The following NPAS3 variants were observed in gnomAD, a reference collection of about 807,000 sequenced individuals.
NPAS3 encodes neuronal PAS domain-containing protein 3.
In NPAS3, 14 loss-of-function variants were observed where a neutral mutation model predicts 73.1. The ratio of observed to expected loss-of-function variants is 0.19; its 90% CI spans 0.13 to 0.30. The LOEUF (loss-of-function observed/expected upper bound fraction) is 0.30. NPAS3 is among the 10% of genes least tolerant of loss of function. NPAS3 has a pLI of 1.00. For missense variants in NPAS3, 1,096 were observed against 1,250.0 expected (o/e 0.88, Z 1.86); for synonymous variants, 620 against 541.5 (o/e 1.14, Z -2.01).
At chr14:33,200,045 A>G (rs1243537680) in intron 2 of NPAS3, among the ~76,000 whole-genome samples, 1 of 152,010 alleles carries the variant, frequency 6.6e-6, no homozygotes, top group Non-Finnish European at 1.5e-5. Flanking sequence ...TTAAAGGGCT[A>G]TTTTAATTTT....
intron 4 of NPAS3, among the ~76,000 whole-genome samples, chr14:33,537,865 G>A (rs1186681245): frequency 6.6e-6 from 1 of 152,122 alleles, no homozygotes. Context: ...GGGGCTTAAG[G>A]GCCTTATGGA....
chr14:33,369,578 A>G (rs574620692), intron 4 of NPAS3, among the ~76,000 whole-genome samples: 1 of 151,972 alleles, frequency 6.6e-6, no homozygotes, highest in Admixed American at 6.6e-5. Context: ...TTTCAGGAGA[A>G]ATATAGATGG....
intron 3 of NPAS3, among the ~76,000 whole-genome samples, chr14:33,324,503 T>C (rs1263634437): frequency 6.6e-6 from 1 of 152,234 alleles, no homozygotes; most frequent in African/African-American, 2.4e-5. Flanking sequence ...AATAGTATCA[T>C]ATGATGAACC....
chr14:33,466,019 A>G (rs570797225), intron 4 of NPAS3, among the ~76,000 whole-genome samples: 2 of 152,324 alleles, frequency 1.3e-5, no homozygotes, highest in Non-Finnish European at 2.9e-5. Context: ...CAAAACACAT[A>G]GCAGATGGGG....
At chr14:33,705,708 A>G (rs562591502) in intron 6 of NPAS3, among the ~76,000 whole-genome samples, 1 of 152,364 alleles carries the variant, frequency 6.6e-6, no homozygotes, top group South Asian at 2.1e-4. Flanking sequence ...CTCCTGTGGG[A>G]TACAGATCAG....
At chr14:33,228,669 G>C (rs1398192032) in intron 3 of NPAS3, among the ~76,000 whole-genome samples, 1 of 152,078 alleles carries the variant, frequency 6.6e-6, no homozygotes, top group African/African-American at 2.4e-5. Context: ...TCTGGGGGAT[G>C]CAAAGTGGGG....
chr14:33,153,023 G>T (rs2044513362), intron 2 of NPAS3, among the ~76,000 whole-genome samples: 1 of 151,694 alleles, frequency 6.6e-6, no homozygotes, highest in South Asian at 2.1e-4. Flanking sequence ...TACTCTCTTA[G>T]ACTGGTTTTC....
chr14:33,734,431 A>G (rs2061474944), intron 6 of NPAS3, among the ~76,000 whole-genome samples: 1 of 152,228 alleles, frequency 6.6e-6, no homozygotes, highest in African/African-American at 2.4e-5. Flanking sequence ...TTCATAAGCA[A>G]AAACATTCTA....
intron 1 of NPAS3, among the ~76,000 whole-genome samples, chr14:33,008,115 T>C (rs1371658783): frequency 6.6e-6 from 1 of 152,104 alleles, no homozygotes; most frequent in Non-Finnish European, 1.5e-5. Context: ...CTAAGAATGA[T>C]AGAGAAACAC....
At chr14:33,704,424 T>C (rs2060604221) in intron 6 of NPAS3, among the ~76,000 whole-genome samples, 1 of 152,208 alleles carries the variant, frequency 6.6e-6, no homozygotes, top group Non-Finnish European at 1.5e-5. Flanking sequence ...ACAGCTATGG[T>C]TGTAGTTAAG....
chr14:33,473,675 G>A (rs1468834866), intron 4 of NPAS3, among the ~76,000 whole-genome samples: 3 of 152,162 alleles, frequency 2.0e-5, no homozygotes, highest in Non-Finnish European at 4.4e-5. Flanking sequence ...GTAATGGGAA[G>A]AGAGTTAGAA....
intron 5 of NPAS3, among the ~76,000 whole-genome samples, chr14:33,583,133 C>G: frequency 6.6e-6 from 1 of 151,884 alleles, no homozygotes. Flanking sequence ...TAGGTCCAGG[C>G]TACTATTGAG....
chr14:33,086,129 A>T (rs145825218), intron 2 of NPAS3, among the ~76,000 whole-genome samples: 3,988 of 152,264 alleles, frequency 0.026, 64 homozygotes, highest in Non-Finnish European at 0.04. Flanking sequence ...GTTAAAAATG[A>T]TGTGTATTTT....
intron 2 of NPAS3, among the ~76,000 whole-genome samples, chr14:33,163,347 G>A (rs1595582280): frequency 6.6e-6 from 1 of 152,200 alleles, no homozygotes; most frequent in East Asian, 1.9e-4. Flanking sequence ...GGCGAGAGCT[G>A]GAGCATGTAA....
intron 6 of NPAS3, among the ~76,000 whole-genome samples, chr14:33,734,700 C>T (rs1204736106): frequency 3.9e-5 from 6 of 152,118 alleles, no homozygotes; most frequent in East Asian, 3.9e-4. Context: ...AAACCAGCTC[C>T]GAGGGGTGAG....
At position 33,115,096 on chromosome 14, in the gene NPAS3, T is replaced by C. The variant is rs117057121; in HGVS notation, c.140+59102T>C. ...TTGTAACATCACTAACATTATTGAG[T>C]GCTTATTGCAAGCCAGTCTTTGTTT... On this transcript the variant is annotated intron_variant, in intron 2 of 11. Transcript: ENST00000356141. 1.4e-3 allele frequency among the ~76,000 whole-genome samples: 214 copies of C among 152,250 alleles called. 6 individuals are homozygous for C. In the East Asian group the frequency reaches 0.035, roughly 25 times the overall value.
intron 2 of NPAS3, among the ~76,000 whole-genome samples, chr14:33,179,475 A>T (rs1246201340): frequency 6.6e-6 from 1 of 152,204 alleles, no homozygotes; most frequent in Admixed American, 6.5e-5. Flanking sequence ...TTAAAAAGTA[A>T]CAACTGTTAA....
chr14:33,040,377 G>A (rs2040312010), intron 1 of NPAS3, among the ~76,000 whole-genome samples: 1 of 152,148 alleles, frequency 6.6e-6, no homozygotes. Context: ...TGCTGGGTAG[G>A]AGTGGAAGTT....
At chr14:33,057,523 A>C (rs780474269) in intron 2 of NPAS3, among the ~76,000 whole-genome samples, 11 of 152,196 alleles carry the variant, frequency 7.2e-5, no homozygotes, top group Non-Finnish European at 1.3e-4. Flanking sequence ...GTTTATTTTT[A>C]ATTAAGTCAG....
Sources: gnomAD v4.1 joint callset for allele counts (sites outside exome capture counted in the v4.1 genomes callset) on GRCh38, gnomAD v4.1.1 for gene constraint, MANE v1.5 for transcripts, NCBI Gene and HGNC (gene_info 2026-07-23, HGNC 2026-07-21) for gene names.